The following MAGI2 variants were observed in gnomAD, a reference collection of about 807,000 sequenced individuals.
MAGI2 encodes membrane-associated guanylate kinase, WW and PDZ domain-containing protein 2.
In MAGI2, 35 loss-of-function variants were observed where a neutral mutation model predicts 133.3. That is an observed-to-expected ratio of 0.26 (90% CI 0.20 to 0.35). MAGI2 has a LOEUF of 0.35. Ranked by LOEUF, MAGI2 falls within the 10% of genes least tolerant of loss-of-function variation. The pLI is 1.00. For missense variants in MAGI2, 1,636 were observed against 1,863.4 expected, an observed-to-expected ratio of 0.88 and a Z score of 2.25; for synonymous variants, 729 against 710.6, an observed-to-expected ratio of 1.03 and a Z score of -0.41.
intron 1 of MAGI2, among the ~76,000 whole-genome samples, chr7:79,049,208 T>A (rs753630673): frequency 2.6e-5 from 4 of 152,188 alleles, no homozygotes; most frequent in Admixed American, 2.0e-4. Flanking sequence ...TCAATGAACA[T>A]TAAATACTTA....
chr7:78,350,816 T>C (rs1207715873), intron 7 of MAGI2, among the ~76,000 whole-genome samples: 1 of 152,152 alleles, frequency 6.6e-6, no homozygotes, highest in African/African-American at 2.4e-5. Context: ...GGCTGAAGGT[T>C]ATCAAAGCCA....
At chr7:78,630,215 G>A (rs887638283) in intron 2 of MAGI2, among the ~76,000 whole-genome samples, 6 of 132,210 alleles carry the variant, frequency 4.5e-5, no homozygotes, top group Non-Finnish European at 9.7e-5. Context: ...ATTTTTTCTT[G>A]ATTTTTTTTA....
chr7:79,438,859 A>G (rs1354898211), intron 1 of MAGI2, among the ~76,000 whole-genome samples: 1 of 152,120 alleles, frequency 6.6e-6, no homozygotes, highest in Non-Finnish European at 1.5e-5. Flanking sequence ...ATAAAACAAA[A>G]AACAGAAAAC....
In MAGI2 at chr7:79,305,497, C is replaced by G. The variant is rs575353126; in HGVS notation, c.301+147523G>C. Among the ~76,000 whole-genome samples, 6 of 152,254 alleles carry G rather than the reference C, an allele frequency of 3.9e-5. No homozygotes were observed. The South Asian group carries it at 1.0e-3, about 26-fold the overall frequency. ...TTTCACAATGTTTATCTATTCTTAT[C>G]TCTTTGATGTTAATTACTACATTAT... On this transcript the variant is annotated intron_variant, in intron 1 of 21. Transcript: ENST00000354212.
chr7:78,684,569 T>A (rs1188393175), intron 2 of MAGI2, among the ~76,000 whole-genome samples: 1 of 152,138 alleles, frequency 6.6e-6, no homozygotes, highest in African/African-American at 2.4e-5. Flanking sequence ...GGATATAATG[T>A]GTTTCTTAGT....
At chr7:78,884,716 T>C (rs1796134314) in intron 2 of MAGI2, among the ~76,000 whole-genome samples, 2 of 152,152 alleles carry the variant, frequency 1.3e-5, no homozygotes, top group Admixed American at 1.3e-4. Context: ...TTATACACTT[T>C]TGGTGGAAAT....
At chr7:78,635,975 T>C (rs779275822) in intron 2 of MAGI2, among the ~76,000 whole-genome samples, 26 of 152,198 alleles carry the variant, frequency 1.7e-4, no homozygotes, top group Non-Finnish European at 3.2e-4. Flanking sequence ...TAATATCGTT[T>C]GGGTCACTGA....
intron 6 of MAGI2, chr7:78,456,904 G>T (rs975598917): frequency 2.0e-5 from 3 of 152,204 alleles, no homozygotes; most frequent in Admixed American, 6.5e-5. Context: ...GAAGAAAGGA[G>T]ATGGTTTACC....
chr7:78,273,302 T>C (rs1188022705), intron 9 of MAGI2, among the ~76,000 whole-genome samples: 1 of 152,244 alleles, frequency 6.6e-6, no homozygotes, highest in African/African-American at 2.4e-5. Flanking sequence ...TGCAGGGAGA[T>C]CTGCTGTTAG....
At chr7:78,111,205 GA>G (rs1258160786) in intron 20 of MAGI2, among the ~76,000 whole-genome samples, 4 of 152,142 alleles carry the variant, frequency 2.6e-5, no homozygotes, top group African/African-American at 7.2e-5. Flanking sequence ...GCTTAAAAGA[GA>G]AAATGATACA....
intron 3 of MAGI2, among the ~76,000 whole-genome samples, chr7:78,526,156 C>T (rs185592945): frequency 1.4e-4 from 21 of 152,268 alleles, no homozygotes; most frequent in African/African-American, 5.1e-4. Context: ...TTTGAAAATA[C>T]GCTGTTGCCT....
chr7:79,125,921 G>A (rs1820370737), intron 1 of MAGI2, among the ~76,000 whole-genome samples: 1 of 152,250 alleles, frequency 6.6e-6, no homozygotes, highest in Non-Finnish European at 1.5e-5. Context: ...CATAGTGGTG[G>A]CAGTGCCTAG....
intron 2 of MAGI2, among the ~76,000 whole-genome samples, chr7:78,739,576 T>G (rs1328891297): frequency 1.3e-5 from 2 of 152,174 alleles, no homozygotes; most frequent in Non-Finnish European, 2.9e-5. Context: ...GCAAAATCAC[T>G]ACCTCTAACA....
At chr7:78,494,325 G>C (rs1793896118) in intron 5 of MAGI2, among the ~76,000 whole-genome samples, 2 of 152,038 alleles carry the variant, frequency 1.3e-5, no homozygotes, top group Non-Finnish European at 2.9e-5. Flanking sequence ...AGTCTTTTTA[G>C]AAACCTGATT....
At chr7:78,602,793 AATAT>A (rs1225963613) in intron 3 of MAGI2, among the ~76,000 whole-genome samples, 1 of 152,206 alleles carries the variant, frequency 6.6e-6, no homozygotes, top group African/African-American at 2.4e-5. Context: ...TTTTCCACCA[AATAT>A]ATTATTAGAA....
chr7:78,561,090 C>T (rs919810998), intron 3 of MAGI2, among the ~76,000 whole-genome samples: 6 of 152,016 alleles, frequency 3.9e-5, no homozygotes, highest in Admixed American at 3.3e-4. Context: ...CAGTGATACG[C>T]ATAAAATCTT....
chr7:78,019,226 G>T lies in MAGI2; in HGVS notation c.*89C>A. The T allele has an allele frequency of 1.4e-6, 2 of 1,433,812 alleles. No homozygotes were observed. The highest frequency in any genetic ancestry group is 1.9e-6 in the Non-Finnish European group (2 of 1,061,324). The allele number at this position is 1,433,812 out of a possible 1,614,324, so 88.8% of individuals were successfully genotyped here. A position where few individuals can be genotyped will look rare whatever the true frequency, so the allele number is the denominator to read the frequency against. ...TGGTGCCTCGTGGATCTATGCGTGT[G>T]ACAGTGAAAATAAATTAAAACGCCG... On this transcript the variant is annotated 3_prime_UTR_variant, in exon 22 of 22. Transcript: ENST00000354212.
intron 1 of MAGI2, chr7:79,414,738 T>A (rs1403131908): frequency 6.6e-6 from 1 of 152,170 alleles, no homozygotes; most frequent in Admixed American, 6.6e-5. Context: ...TGTTGAACAT[T>A]TACTACCTTG....
chr7:78,260,412 G>C (rs1028725885), intron 9 of MAGI2, among the ~76,000 whole-genome samples: 1 of 152,118 alleles, frequency 6.6e-6, no homozygotes, highest in Non-Finnish European at 1.5e-5. Context: ...TTAAGACGGA[G>C]AATTGGAAGA....
Sources: gnomAD v4.1 joint callset for allele counts (sites outside exome capture counted in the v4.1 genomes callset) on GRCh38, gnomAD v4.1.1 for gene constraint, MANE v1.5 for transcripts, NCBI Gene and HGNC (gene_info 2026-07-23, HGNC 2026-07-21) for gene names.